CNTNAP5: variants seen among roughly 807,000 people sequenced by gnomAD.
The protein encoded by CNTNAP5 is contactin-associated protein-like 5.
Under a neutral mutation model 150.2 loss-of-function variants are expected in CNTNAP5, and 72 were observed. The ratio of observed to expected loss-of-function variants is 0.48; its 90% CI spans 0.40 to 0.58. The LOEUF is 0.58. Ranked by LOEUF, CNTNAP5 falls within the 20% of genes least tolerant of loss-of-function variation. The pLI is 0.00. For synonymous variants in CNTNAP5, 672 were observed against 619.8 expected, an observed-to-expected ratio of 1.08 and a Z score of -1.25; for missense variants, 1,636 against 1,626.2, an observed-to-expected ratio of 1.01 and a Z score of -0.10.
chr2:124,732,164 A>T (rs1323280954), intron 13 of CNTNAP5, among the ~76,000 whole-genome samples: 2 of 152,066 alleles, frequency 1.3e-5, no homozygotes, highest in Non-Finnish European at 2.9e-5. Flanking sequence ...TTGTTTTATA[A>T]TGAGTGAGCT....
intron 1 of CNTNAP5, among the ~76,000 whole-genome samples, chr2:124,053,271 A>G (rs1681757432): frequency 6.6e-6 from 1 of 152,224 alleles, no homozygotes; most frequent in Non-Finnish European, 1.5e-5. Context: ...CATCAGATTC[A>G]GCCACTAGAA....
intron 4 of CNTNAP5, among the ~76,000 whole-genome samples, chr2:124,421,512 A>G (rs920380350): frequency 2.6e-5 from 4 of 152,140 alleles, no homozygotes; most frequent in African/African-American, 2.4e-5. Flanking sequence ...TCTTAAATCC[A>G]TGTACTTCTC....
chr2:124,040,656 T>TGTAA (rs57429476), intron 1 of CNTNAP5, among the ~76,000 whole-genome samples: 2 of 150,876 alleles, frequency 1.3e-5, no homozygotes, highest in African/African-American at 4.9e-5. Context: ...TGTGTGTGTG[T>TGTAA]AACAGTGCTT....
intron 13 of CNTNAP5, among the ~76,000 whole-genome samples, chr2:124,666,575 C>T (rs747484686): frequency 2.0e-5 from 3 of 152,110 alleles, no homozygotes; most frequent in Non-Finnish European, 4.4e-5. Flanking sequence ...AGGGAATTCG[C>T]TTTTTCAGAT....
intron 17 of CNTNAP5, among the ~76,000 whole-genome samples, chr2:124,774,802 C>T (rs960871888): frequency 3.4e-4 from 52 of 152,118 alleles, no homozygotes; most frequent in Non-Finnish European, 6.0e-4. Flanking sequence ...CCCTTTCATG[C>T]AAAATTTATG....
chr2:124,474,680 C>T (rs997415917), intron 6 of CNTNAP5, 59 bp from the exon 7 acceptor site: 4 of 1,429,452 alleles, frequency 2.8e-6, no homozygotes, highest in Non-Finnish European at 3.7e-6. Context: ...TGTTTACTTT[C>T]CTTTCCTAAT....
intron 3 of CNTNAP5, among the ~76,000 whole-genome samples, chr2:124,341,982 A>C (rs1042665702): frequency 2.0e-5 from 3 of 152,200 alleles, no homozygotes; most frequent in African/African-American, 7.2e-5. Context: ...TTGGAGACTC[A>C]TAACCAGGTA....
intron 13 of CNTNAP5, among the ~76,000 whole-genome samples, chr2:124,739,816 T>A (rs906599651): frequency 6.6e-6 from 1 of 152,130 alleles, no homozygotes; most frequent in South Asian, 2.1e-4. Flanking sequence ...CGACCCCTGG[T>A]GAGAAGTCAT....
intron 13 of CNTNAP5, among the ~76,000 whole-genome samples, chr2:124,707,139 AGGAAG>A (rs1558743732): frequency 4.4e-4 from 26 of 59,226 alleles, no homozygotes; most frequent in African/African-American, 8.9e-4. Flanking sequence ...GAAGAAGAAG[AGGAAG>A]AAGAAGAAGA....
At chr2:124,479,164 C>CT (rs1693709972) in intron 7 of CNTNAP5, among the ~76,000 whole-genome samples, 1 of 152,234 alleles carries the variant, frequency 6.6e-6, no homozygotes, top group Non-Finnish European at 1.5e-5. Flanking sequence ...TAATACAGCA[C>CT]TATATAATAA....
At chr2:124,257,972 A>T (rs1687355643) in intron 3 of CNTNAP5, among the ~76,000 whole-genome samples, 1 of 152,188 alleles carries the variant, frequency 6.6e-6, no homozygotes, top group Admixed American at 6.6e-5. Flanking sequence ...AAAGCCATGC[A>T]ATTGATGCAT....
Position 124,048,908 on chromosome 2 carries a change from G to A in CNTNAP5, c.82+23176G>A, listed in dbSNP as rs138057945. The stretch of plus-strand genomic sequence containing the variant: ...AATATTTACACACATTTATTTTTAT[G>A]AGTGTTATGCAATACGTTAGGTTAC... On this transcript the variant is annotated intron_variant, in intron 1 of 23. Coordinates refer to ENST00000682447, the MANE Select transcript of CNTNAP5 (RefSeq NM_001367498.1). Among the ~76,000 whole-genome samples, 19 of 152,318 alleles carry A rather than the reference G, an allele frequency of 1.2e-4. No individual in the cohort carries two copies. The East Asian group carries it at 3.5e-3, about 28-fold the overall frequency.
chr2:124,827,991 A>C (rs1682633735), intron 19 of CNTNAP5, among the ~76,000 whole-genome samples: 1 of 152,144 alleles, frequency 6.6e-6, no homozygotes, highest in African/African-American at 2.4e-5. Flanking sequence ...TTCAGCTCCA[A>C]GCTGCTCTTC....
intron 3 of CNTNAP5, among the ~76,000 whole-genome samples, chr2:124,297,508 G>GT (rs1485359149): frequency 6.6e-6 from 1 of 151,970 alleles, no homozygotes; most frequent in Non-Finnish European, 1.5e-5. Flanking sequence ...TAGAAGCACC[G>GT]TTTTTTCCAA....
chr2:124,226,309 G>A (rs1686458858), intron 2 of CNTNAP5, among the ~76,000 whole-genome samples: 1 of 152,050 alleles, frequency 6.6e-6, no homozygotes. Flanking sequence ...ACGGGTGTGA[G>A]GTGACGTCTC....
intron 12 of CNTNAP5, among the ~76,000 whole-genome samples, chr2:124,612,722 G>A (rs1677412549): frequency 2.0e-5 from 3 of 152,112 alleles, no homozygotes; most frequent in Non-Finnish European, 4.4e-5. Context: ...GCTGCACGAT[G>A]TCTAACTTTC....
intron 3 of CNTNAP5, among the ~76,000 whole-genome samples, chr2:124,411,605 TAAAC>T (rs1330357922): frequency 7.9e-6 from 1 of 126,542 alleles, no homozygotes; most frequent in Admixed American, 8.0e-5. Context: ...ATCCAGCATA[TAAAC>T]AGAGCCAAAG....
chr2:124,029,905 C>T lies in CNTNAP5; in HGVS notation c.82+4173C>T, dbSNP rs953342246. On this transcript the variant is annotated intron_variant, in intron 1 of 23. Coordinates refer to ENST00000682447, the MANE Select transcript of CNTNAP5 (RefSeq NM_001367498.1). ...TTAGATGAGAAGGTGGAGAAAAGATCTAGTTACCTAAAATCCCAGAGGACA... is the reference window on the plus strand; with the variant it reads ...TTAGATGAGAAGGTGGAGAAAAGATTTAGTTACCTAAAATCCCAGAGGACA... Among the ~76,000 whole-genome samples the T allele has an allele frequency of 2.6e-5, 4 of 152,188 alleles. No individual in the cohort carries two copies. The South Asian group carries it at 8.3e-4, about 32-fold the overall frequency.
At chr2:124,807,091 T>C (rs892794985) in intron 19 of CNTNAP5, among the ~76,000 whole-genome samples, 2 of 152,110 alleles carry the variant, frequency 1.3e-5, no homozygotes, top group African/African-American at 4.8e-5. Context: ...GACCTGTAAA[T>C]ACTTACATCT....
Sources: gnomAD v4.1 joint callset for allele counts (sites outside exome capture counted in the v4.1 genomes callset) on GRCh38, gnomAD v4.1.1 for gene constraint, MANE v1.5 for transcripts, NCBI Gene and HGNC (gene_info 2026-07-23, HGNC 2026-07-21) for gene names.